SRPK2: variants seen among roughly 807,000 people sequenced by gnomAD.
SRPK2 encodes the protein SFRS protein kinase 2.
In SRPK2, 21 loss-of-function variants were observed where a neutral mutation model predicts 90.8. That is an observed-to-expected ratio of 0.23 (90% CI 0.16 to 0.33). SRPK2 has a LOEUF of 0.33. SRPK2 is among the 10% of genes least tolerant of loss of function. SRPK2 has a pLI of 1.00. For synonymous variants in SRPK2, 288 were observed against 311.1 expected, an observed-to-expected ratio of 0.93 and a Z score of 0.78; for missense variants, 620 against 869.0, an observed-to-expected ratio of 0.71 and a Z score of 3.60.
intron 3 of SRPK2, among the ~76,000 whole-genome samples, chr7:105,177,424 T>C (rs1792116373): frequency 6.6e-6 from 1 of 152,232 alleles, no homozygotes; most frequent in African/African-American, 2.4e-5. Context: ...CCTTAGCATA[T>C]TTGTTGTCAA....
chr7:105,294,282 T>C (rs1424813625), intron 2 of SRPK2, among the ~76,000 whole-genome samples: 1 of 152,242 alleles, frequency 6.6e-6, no homozygotes, highest in East Asian at 1.9e-4. Flanking sequence ...TACTCAGTAT[T>C]CAACATTTTG....
At position 105,311,734 on chromosome 7, in the gene SRPK2, C is replaced by T. The variant is rs1036621112; in HGVS notation, c.71+76914G>A. Among the ~76,000 whole-genome samples, 6 of 152,150 alleles carry T rather than the reference C, an allele frequency of 3.9e-5. No homozygotes were observed. In the East Asian group the frequency reaches 1.2e-3, roughly 29 times the overall value. On this transcript the variant is annotated intron_variant, in intron 2 of 15. Transcript: ENST00000393651. ...AGAAAACTGGAACCCTTGTACGTTGCTGGTGATTATGTAAAATAGCTCAGA... is the reference window on the plus strand; with the variant it reads ...AGAAAACTGGAACCCTTGTACGTTGTTGGTGATTATGTAAAATAGCTCAGA...
At chr7:105,234,933 A>G (rs909339198) in intron 2 of SRPK2, among the ~76,000 whole-genome samples, 4 of 152,258 alleles carry the variant, frequency 2.6e-5, no homozygotes, top group Non-Finnish European at 4.4e-5. Flanking sequence ...AATAGGCCAC[A>G]TGCAGCCCAG....
chr7:105,298,685 C>T, intron 2 of SRPK2: 1 of 977,012 alleles, frequency 1.0e-6, no homozygotes, highest in Non-Finnish European at 1.2e-6. Flanking sequence ...GATTATACTG[C>T]AACCCCCTGC....
chr7:105,283,338 T>A (rs528021150), intron 2 of SRPK2, among the ~76,000 whole-genome samples: 3 of 152,200 alleles, frequency 2.0e-5, no homozygotes, highest in Non-Finnish European at 2.9e-5. Context: ...CAAAAACTTG[T>A]ACACAAATGT....
intron 2 of SRPK2, among the ~76,000 whole-genome samples, chr7:105,380,410 C>T (rs1820803377): frequency 6.6e-6 from 1 of 152,008 alleles, no homozygotes; most frequent in African/African-American, 2.4e-5. Context: ...ACTTTACATA[C>T]ATGCATATAC....
intron 2 of SRPK2, among the ~76,000 whole-genome samples, chr7:105,223,848 G>A (rs556256022): frequency 1.3e-5 from 2 of 152,258 alleles, no homozygotes; most frequent in South Asian, 4.1e-4. Flanking sequence ...TAAAAGTATT[G>A]TTTCTTGAGA....
At chr7:105,274,876 T>G (rs1179125986) in intron 2 of SRPK2, among the ~76,000 whole-genome samples, 1 of 148,586 alleles carries the variant, frequency 6.7e-6, no homozygotes. Context: ...CGGTAATACT[T>G]GTTCTTTCAG....
intron 2 of SRPK2, among the ~76,000 whole-genome samples, chr7:105,335,518 A>G (rs1814988632): frequency 1.3e-5 from 2 of 151,958 alleles, no homozygotes; most frequent in African/African-American, 4.8e-5. Context: ...AAAATTGGTC[A>G]TGGTGTTGTC....
At chr7:105,353,165 A>G (rs1342944714) in intron 2 of SRPK2, among the ~76,000 whole-genome samples, 2 of 152,328 alleles carry the variant, frequency 1.3e-5, no homozygotes, top group Non-Finnish European at 2.9e-5. Context: ...ATGACTCTTA[A>G]TTGAAAAAAG....
chr7:105,339,595 A>G (rs1361177577), intron 2 of SRPK2, among the ~76,000 whole-genome samples: 1 of 152,238 alleles, frequency 6.6e-6, no homozygotes. Context: ...AGTATGGGCC[A>G]TGAACTCCTG....
chr7:105,356,011 G>A (rs1342480308), intron 2 of SRPK2, among the ~76,000 whole-genome samples: 1 of 152,060 alleles, frequency 6.6e-6, no homozygotes, highest in Non-Finnish European at 1.5e-5. Context: ...CCATGCCACC[G>A]CACTCCAGCC....
intron 2 of SRPK2, among the ~76,000 whole-genome samples, chr7:105,317,622 T>C (rs562136866): frequency 2.6e-5 from 4 of 152,196 alleles, no homozygotes; most frequent in Non-Finnish European, 4.4e-5. Flanking sequence ...TTTCTTCATA[T>C]ATTTCAACAA....
Position 105,291,061 on chromosome 7 carries a change from A to AG in SRPK2, c.72-87277_72-87276insC, listed in dbSNP as rs1248664923. 2.8e-3 allele frequency among the ~76,000 whole-genome samples: 429 copies of AG among 151,246 alleles called. 2 individuals are homozygous for AG. The highest frequency in any genetic ancestry group is 0.01 in the African/African-American group (413 of 41,240). On this transcript the variant is annotated intron_variant, in intron 2 of 15. Transcript: ENST00000393651. ...CTCCGTCTCAAAAAAAAAAAAAAAA[A>AG]AAAAGAAATGAAGACTGGGACCATT...
intron 2 of SRPK2, among the ~76,000 whole-genome samples, chr7:105,333,794 A>G (rs1814726195): frequency 6.6e-6 from 1 of 152,256 alleles, no homozygotes; most frequent in African/African-American, 2.4e-5. Context: ...TTCTAGCCTA[A>G]TGCTGTAATA....
chr7:105,236,016 T>C (rs1800092564), intron 2 of SRPK2, among the ~76,000 whole-genome samples: 2 of 152,272 alleles, frequency 1.3e-5, no homozygotes, highest in Middle Eastern at 3.4e-3. Flanking sequence ...CTGAATAAGA[T>C]CTGTGGTTCT....
Position 105,210,858 on chromosome 7 carries a change from C to T in SRPK2, c.72-7073G>A, listed in dbSNP as rs192345292. 9.7e-4 allele frequency among the ~76,000 whole-genome samples: 147 copies of T among 152,280 alleles called. 3 individuals are homozygous for T. Among genetic ancestry groups the T allele is most frequent in the African/African-American group, 3.4e-3 (140 of 41,560 alleles). ...ATTTGTGAACTAGGGCCACAGAGAG[C>T]AAAGAACTGCCAGTGGCCTCTAGGA... On this transcript the variant is annotated intron_variant, in intron 2 of 15. Coordinates refer to ENST00000393651, the MANE Select transcript of SRPK2 (RefSeq NM_182692.3).
chr7:105,158,673 T>C (rs1027434488), intron 7 of SRPK2, among the ~76,000 whole-genome samples: 7 of 152,346 alleles, frequency 4.6e-5, no homozygotes, highest in South Asian at 2.1e-4. Flanking sequence ...GGGAAATACA[T>C]GCAGGCAGCT....
At chr7:105,288,742 A>G (rs1472280412) in intron 2 of SRPK2, among the ~76,000 whole-genome samples, 1 of 152,170 alleles carries the variant, frequency 6.6e-6, no homozygotes. Context: ...ATAAAAATAT[A>G]GGATAAAAAC....
Sources: allele counts gnomAD v4.1 joint callset (sites outside exome capture counted in the v4.1 genomes callset), GRCh38; gene constraint gnomAD v4.1.1; transcripts MANE v1.5; gene names NCBI Gene and HGNC (gene_info 2026-07-23, HGNC 2026-07-21).